The following STK32C variants were observed in gnomAD, a reference collection of about 807,000 sequenced individuals.
STK32C encodes serine/threonine kinase 32C.
In STK32C, 31 loss-of-function variants were observed where a neutral mutation model predicts 56.5. The observed-to-expected ratio is 0.55, with a 90% CI of 0.41 to 0.74. The LOEUF (loss-of-function observed/expected upper bound fraction) is 0.74, where lower values mean the gene tolerates loss of function less well. STK32C is among the 30% of genes least tolerant of loss of function. The pLI, the probability that STK32C is intolerant of heterozygous loss-of-function variation, is 0.00. For missense variants in STK32C, 544 were observed against 676.9 expected, an observed-to-expected ratio of 0.80 and a Z score of 2.18; for synonymous variants, 309 against 289.4, an observed-to-expected ratio of 1.07 and a Z score of -0.69.
intron 10 of STK32C, among the ~76,000 whole-genome samples, chr10:132,210,568 G>C (rs1565058389): frequency 1.3e-5 from 2 of 152,226 alleles, no homozygotes; most frequent in African/African-American, 4.8e-5. Flanking sequence ...TATTAATGCT[G>C]ATTGCCAAGT....
intron 10 of STK32C, among the ~76,000 whole-genome samples, chr10:132,218,110 T>G (rs1246816633): frequency 1.3e-5 from 2 of 152,138 alleles, no homozygotes; most frequent in Non-Finnish European, 2.9e-5. Flanking sequence ...CTCCAAGAGT[T>G]TGAGACCAAC....
At chr10:132,242,735 G>A (rs905396115) in intron 2 of STK32C, among the ~76,000 whole-genome samples, 5 of 152,000 alleles carry the variant, frequency 3.3e-5, no homozygotes, top group Admixed American at 6.5e-5. Context: ...TTTCCCCCAC[G>A]ATGCCCTGCA....
At chr10:132,241,449 C>T (rs1011789585) in intron 2 of STK32C, among the ~76,000 whole-genome samples, 9 of 152,200 alleles carry the variant, frequency 5.9e-5, no homozygotes, top group African/African-American at 9.7e-5. Context: ...GTATCATCAA[C>T]GGAACAAAAT....
chr10:132,293,086 A>ACG (rs2065620520), intron 1 of STK32C, among the ~76,000 whole-genome samples: 1 of 152,246 alleles, frequency 6.6e-6, no homozygotes, highest in Non-Finnish European at 1.5e-5. Flanking sequence ...AGCGGGGAGC[A>ACG]CGGCACGTGC....
intron 1 of STK32C, among the ~76,000 whole-genome samples, chr10:132,286,827 C>G (rs1320554528): frequency 2.0e-5 from 3 of 152,186 alleles, no homozygotes; most frequent in African/African-American, 7.2e-5. Context: ...GACTGCTTCC[C>G]CCTAAGACCA....
intron 10 of STK32C, among the ~76,000 whole-genome samples, chr10:132,214,648 T>C (rs938260301): frequency 6.6e-6 from 1 of 152,228 alleles, no homozygotes; most frequent in African/African-American, 2.4e-5. Flanking sequence ...AAAAGATAAC[T>C]GTTTAAAATA....
intron 2 of STK32C, among the ~76,000 whole-genome samples, chr10:132,241,338 C>T (rs1030452991): frequency 6.6e-6 from 1 of 152,166 alleles, no homozygotes; most frequent in Non-Finnish European, 1.5e-5. Context: ...ACGACAAGGT[C>T]GACAATTTAA....
chr10:132,253,011 T>C (rs1167040618), intron 1 of STK32C, among the ~76,000 whole-genome samples: 3 of 152,322 alleles, frequency 2.0e-5, no homozygotes, highest in Non-Finnish European at 4.4e-5. Context: ...TCTCAGTCCC[T>C]GAACCAGGCC....
In STK32C at chr10:132,207,963, C is replaced by A; in HGVS notation, c.*47G>T. ...GGCCCATGGCCCTCCCTCTGGCAGC[C>A]GAGTCTCCAAAGCAGCTCAAGGGGT... On this transcript the variant is annotated 3_prime_UTR_variant, in exon 12 of 12. Transcript: ENST00000298630. 7.8e-7 allele frequency: 1 copy of A among 1,281,392 alleles called. No individual in the cohort carries two copies. The highest frequency in any genetic ancestry group is 2.9e-5 in the East Asian group (1 of 34,168). The allele number at this position is 1,281,392 out of a possible 1,614,324, so 79.4% of individuals were successfully genotyped here.
Position 132,224,399 on chromosome 10 carries a change from G to C in STK32C, c.993+8C>G. ...GGAGGGTGAGGAGGCTCAGGGATGGGGGCTCACCTTCCGCAGCAAGGCCAC... is the reference window on the plus strand; with the variant it reads ...GGAGGGTGAGGAGGCTCAGGGATGGCGGCTCACCTTCCGCAGCAAGGCCAC... On this transcript the variant is annotated splice_region_variant and intron_variant, in intron 8 of 11. Transcript: ENST00000298630. 2 of 1,545,450 alleles carry C rather than the reference G, an allele frequency of 1.3e-6. No homozygotes were observed. Among genetic ancestry groups the C allele is most frequent in the Non-Finnish European group, 1.8e-6 (2 of 1,142,576 alleles).
At chr10:132,300,150 GGA>G (rs1171228145) in intron 1 of STK32C, among the ~76,000 whole-genome samples, 2 of 152,234 alleles carry the variant, frequency 1.3e-5, no homozygotes, top group Non-Finnish European at 2.9e-5. Flanking sequence ...TTCGGAGGAC[GGA>G]GAGTCATGAT....
chr10:132,277,621 T>C (rs375287720), intron 1 of STK32C, among the ~76,000 whole-genome samples: 2 of 152,270 alleles, frequency 1.3e-5, no homozygotes, highest in East Asian at 3.9e-4. Context: ...GCAACTGCCT[T>C]TGGGACAGCG....
intron 1 of STK32C, among the ~76,000 whole-genome samples, chr10:132,306,398 G>A (rs989730754): frequency 3.9e-5 from 6 of 152,198 alleles, no homozygotes; most frequent in Non-Finnish European, 7.3e-5. Context: ...CTGCTGTCCC[G>A]AAGTTCAGGA....
chr10:132,326,001 A>G (rs937257835), intron 1 of STK32C, among the ~76,000 whole-genome samples: 4 of 151,950 alleles, frequency 2.6e-5, no homozygotes, highest in Non-Finnish European at 5.9e-5. Context: ...GATTACAGGC[A>G]TGAGCCACCA....
intron 2 of STK32C, among the ~76,000 whole-genome samples, chr10:132,230,664 T>TG (rs1406194451): frequency 6.2e-5 from 1 of 16,048 alleles, no homozygotes; most frequent in East Asian, 1.7e-3. Context: ...CTCTTGCTGC[T>TG]GGGGGGGAAG....
intron 2 of STK32C, among the ~76,000 whole-genome samples, chr10:132,240,894 C>T (rs116026536): frequency 0.015 from 2,288 of 152,208 alleles, 54 homozygotes; most frequent in African/African-American, 0.05. Flanking sequence ...AAGGGGCTCT[C>T]GAACCCCCAA....
intron 10 of STK32C, among the ~76,000 whole-genome samples, chr10:132,219,694 C>T (rs1223737283): frequency 1.3e-5 from 2 of 152,270 alleles, no homozygotes; most frequent in South Asian, 2.1e-4. Flanking sequence ...CCAGGGCTGC[C>T]GGCAGCCGTC....
chr10:132,288,755 A>G (rs1052167267), intron 1 of STK32C, among the ~76,000 whole-genome samples: 1 of 152,278 alleles, frequency 6.6e-6, no homozygotes, highest in African/African-American at 2.4e-5. Context: ...TAACAGATGT[A>G]CAAGACTTGT....
intron 1 of STK32C, among the ~76,000 whole-genome samples, chr10:132,270,913 G>GC (rs1333611232): frequency 6.6e-6 from 1 of 151,284 alleles, no homozygotes; most frequent in African/African-American, 2.5e-5. Context: ...GAAGGATGCA[G>GC]CCCCCCTCCA....
Sources: allele counts gnomAD v4.1 joint callset (sites outside exome capture counted in the v4.1 genomes callset), GRCh38; gene constraint gnomAD v4.1.1; transcripts MANE v1.5; gene names NCBI Gene and HGNC (gene_info 2026-07-23, HGNC 2026-07-21).